The following RNF144A variants were observed in gnomAD, a reference collection of about 807,000 sequenced individuals.
RNF144A encodes the protein ring finger protein 144A, also known as E3 ubiquitin-protein ligase RNF144A.
RNF144A carries 11 observed loss-of-function variants against 38.7 expected under a neutral mutation model. That is an observed-to-expected ratio of 0.28 (90% confidence interval 0.18 to 0.47). The LOEUF (loss-of-function observed/expected upper bound fraction) is 0.47, where lower values mean the gene tolerates loss of function less well. RNF144A is among the 20% of genes least tolerant of loss of function. RNF144A has a pLI of 0.99. For synonymous variants in RNF144A, 149 were observed against 143.9 expected (o/e 1.04, Z -0.25); for missense variants, 316 against 377.2 (o/e 0.84, Z 1.34).
chr2:7,072,660 G>A (rs1405522378), downstream of RNF144A, among the ~76,000 whole-genome samples: 1 of 152,180 alleles, frequency 6.6e-6, no homozygotes, highest in Non-Finnish European at 1.5e-5. Context: ...GCCCCAGTTA[G>A]TGTCTGTTTG....
downstream of RNF144A, among the ~76,000 whole-genome samples, chr2:7,071,722 A>G (rs12474998): frequency 1.3e-5 from 2 of 152,222 alleles, no homozygotes; most frequent in Admixed American, 1.3e-4. Flanking sequence ...GTTGTATGTC[A>G]ATGTGGCGAG....
chr2:7,039,729 G>A lies in RNF144A; in HGVS notation c.848G>A (p.Ser283Asn). 6.2e-7 allele frequency: 1 copy of A among 1,614,004 alleles called. No individual in the cohort carries two copies. Among genetic ancestry groups the A allele is most frequent in the Non-Finnish European group, 8.5e-7 (1 of 1,180,008 alleles). Residue 283 changes from serine (S) to asparagine (N), a missense_variant, in exon 9 of 9, where the codon AGT becomes AAT. Transcript: ENST00000320892. ...PFVLCCKCKCSKGDDDPLPT is the reference protein window; with the variant it reads ...PFVLCCKCKCNKGDDDPLPT The stretch of plus-strand genomic sequence containing the variant: ...GTACTTTGCTGCAAGTGCAAGTGCA[G>A]TAAAGGTGACGACGACCCGTTACCC...
chr2:7,016,109 A>AC (rs1346500203), intron 5 of RNF144A, among the ~76,000 whole-genome samples: 1 of 150,946 alleles, frequency 6.6e-6, no homozygotes, highest in Non-Finnish European at 1.5e-5. Context: ...GTCTCTAAAA[A>AC]AAAAAAAAAA....
At chr2:6,954,278 T>C (rs1383663542) in intron 2 of RNF144A, among the ~76,000 whole-genome samples, 1 of 152,192 alleles carries the variant, frequency 6.6e-6, no homozygotes, top group Non-Finnish European at 1.5e-5. Flanking sequence ...ACTTCTTTTT[T>C]TCTTTTATAA....
intron 1 of RNF144A, among the ~76,000 whole-genome samples, chr2:6,922,647 T>A (rs906047758): frequency 8.0e-5 from 12 of 149,608 alleles, no homozygotes; most frequent in African/African-American, 2.9e-4. Flanking sequence ...TTTTTTGAGA[T>A]GGAGTCTCAC....
chr2:6,960,268 A>G (rs2103328252), intron 2 of RNF144A, among the ~76,000 whole-genome samples: 1 of 152,314 alleles, frequency 6.6e-6, no homozygotes, highest in South Asian at 2.1e-4. Context: ...TTGGCATGGA[A>G]TCTTCGCAAC....
At chr2:6,928,593 C>T (rs1220380566) in intron 1 of RNF144A, among the ~76,000 whole-genome samples, 2 of 152,224 alleles carry the variant, frequency 1.3e-5, no homozygotes, top group African/African-American at 4.8e-5. Flanking sequence ...CTGCTGTCCT[C>T]CACTGGCCTC....
At chr2:6,981,222 T>C (rs900660114) in intron 2 of RNF144A, among the ~76,000 whole-genome samples, 4 of 152,266 alleles carry the variant, frequency 2.6e-5, no homozygotes. Context: ...AACATTCGGC[T>C]TCTTGTTATT....
intron 3 of RNF144A, among the ~76,000 whole-genome samples, chr2:6,999,917 A>T (rs537399969): frequency 6.6e-6 from 1 of 152,328 alleles, no homozygotes; most frequent in Admixed American, 6.5e-5. Context: ...CCTTGTCCAC[A>T]TCCCCCACTA....
chr2:7,019,360 G>A (rs75094955), intron 5 of RNF144A, among the ~76,000 whole-genome samples: 3,212 of 152,304 alleles, frequency 0.021, 125 homozygotes, highest in African/African-American at 0.074. Flanking sequence ...CACGTGCGGC[G>A]CCAGCATGTT....
intron 2 of RNF144A, among the ~76,000 whole-genome samples, chr2:6,956,825 AT>A (rs1667032604): frequency 6.6e-6 from 1 of 152,218 alleles, no homozygotes; most frequent in Admixed American, 6.5e-5. Flanking sequence ...TACAAAAAAT[AT>A]GCAGGGCACT....
At chr2:7,073,571 T>C in the RNF144A span, among the ~76,000 whole-genome samples, 1 of 152,230 alleles carries the variant, frequency 6.6e-6, no homozygotes, top group Non-Finnish European at 1.5e-5. Flanking sequence ...TCTTCATGTC[T>C]GGCAATCTTA....
At chr2:7,031,149 G>A (rs193030524) in intron 8 of RNF144A, among the ~76,000 whole-genome samples, 34 of 151,976 alleles carry the variant, frequency 2.2e-4, no homozygotes, top group Non-Finnish European at 3.7e-4. Flanking sequence ...GCTACAGACC[G>A]CTACCCGTCC....
In RNF144A at chr2:7,028,015, T is replaced by C. The variant is rs372666967; in HGVS notation, c.658-2111T>C. On this transcript the variant is annotated intron_variant, in intron 7 of 8. Coordinates refer to ENST00000320892, the MANE Select transcript of RNF144A (RefSeq NM_014746.6). ...GGTGGGAGGGTGAAGTTCTTGACCT[T>C]GAGGAGCTTGTCATCTCCCTGACGA... 2.5e-3 allele frequency among the ~76,000 whole-genome samples: 386 copies of C among 151,550 alleles called. 2 individuals are homozygous for C. The highest frequency in any genetic ancestry group is 9.0e-3 in the African/African-American group (371 of 41,408).
intron 2 of RNF144A, among the ~76,000 whole-genome samples, chr2:6,952,543 G>A (rs927780665): frequency 1.3e-5 from 2 of 150,592 alleles, no homozygotes; most frequent in African/African-American, 4.9e-5. Flanking sequence ...TTCAAAGTTT[G>A]TAAAATTATT....
At position 7,041,150 on chromosome 2, in the gene RNF144A, T is replaced by C. The variant is rs1294438835; in HGVS notation, c.*1390T>C. On this transcript the variant is annotated 3_prime_UTR_variant, in exon 9 of 9. Transcript: ENST00000320892. ...GGCAAATATTGTAGCTATATTACAG[T>C]GGGATTTTAAAAATCTTGTTAAACA... The C allele has an allele frequency of 4.1e-6, 4 of 980,900 alleles. No individual in the cohort carries two copies. The highest frequency in any genetic ancestry group is 1.8e-5 in the African/African-American group (1 of 57,136). The allele number at this position is 980,900 out of a possible 1,614,324, so 60.8% of individuals were successfully genotyped here. A position where few individuals can be genotyped will look rare whatever the true frequency, so the allele number is the denominator to read the frequency against.
chr2:6,955,663 C>T (rs1200434323), intron 2 of RNF144A, among the ~76,000 whole-genome samples: 1 of 152,158 alleles, frequency 6.6e-6, no homozygotes, highest in Non-Finnish European at 1.5e-5. Context: ...ATTTTCCAGC[C>T]AGACTTGCCC....
At chr2:7,067,276 G>A (rs983734888) in intron 6 of RNF144A, among the ~76,000 whole-genome samples, 1 of 152,124 alleles carries the variant, frequency 6.6e-6, no homozygotes, top group East Asian at 1.9e-4. Context: ...CAACCCTTCT[G>A]ACTTGGAGTC....
At chr2:7,035,852 G>A (rs1348223625) in intron 8 of RNF144A, among the ~76,000 whole-genome samples, 5 of 152,282 alleles carry the variant, frequency 3.3e-5, no homozygotes, top group South Asian at 4.1e-4. Flanking sequence ...CTTGTCAAAC[G>A]GAAAACAGTG....
Sources: allele counts gnomAD v4.1 joint callset (sites outside exome capture counted in the v4.1 genomes callset), GRCh38; gene constraint gnomAD v4.1.1; transcripts MANE v1.5; gene names NCBI Gene and HGNC (gene_info 2026-07-23, HGNC 2026-07-21).